Variants in PIEZO2 observed in about 807,000 individuals in gnomAD.
PIEZO2 encodes piezo-type mechanosensitive ion channel component 2.
A neutral mutation model predicts 337.3 loss-of-function variants in PIEZO2; 172 were observed. The observed-to-expected ratio is 0.51, with a 90% CI of 0.45 to 0.58. PIEZO2 has a LOEUF of 0.58. PIEZO2 is among the 20% of genes least tolerant of loss of function. The probability of loss-of-function intolerance (pLI) is 0.00; values close to 1 mark genes in which losing one functional copy is unlikely to be tolerated. For synonymous variants in PIEZO2, 1,251 were observed against 1,228.5 expected, an observed-to-expected ratio of 1.02 and a Z score of -0.38; for missense variants, 3,028 against 3,391.3, an observed-to-expected ratio of 0.89 and a Z score of 2.66.
Position 10,676,254 on chromosome 18 carries a change from A to G in PIEZO2, c.8082-966T>C, listed in dbSNP as rs186591410. 1.6e-3 allele frequency among the ~76,000 whole-genome samples: 250 copies of G among 152,294 alleles called. 1 individual carries two copies. The highest frequency in any genetic ancestry group is 5.7e-3 in the African/African-American group (236 of 41,564). On this transcript the variant is annotated intron_variant, in intron 53 of 55. Coordinates refer to ENST00000674853, the MANE Select transcript of PIEZO2 (RefSeq NM_001378183.1). The surrounding 1 kb of genome is among the most constrained non-coding windows in gnomAD (Gnocchi z 5.1). Reference sequence around the variant, plus strand: ...CTTCAACTTTAGTGAGTCGCAAAACATATCTCAGTCTGGGAACATTTCTAA... The same window carrying G: ...CTTCAACTTTAGTGAGTCGCAAAACGTATCTCAGTCTGGGAACATTTCTAA...
intron 23 of PIEZO2, among the ~76,000 whole-genome samples, 182 bp from the exon 24 acceptor site, chr18:10,761,293 A>C (rs1226712400): frequency 6.6e-6 from 1 of 152,228 alleles, no homozygotes; most frequent in Non-Finnish European, 1.5e-5. Context: ...TCTATATTAG[A>C]AAATCAGGCT....
intron 1 of PIEZO2, among the ~76,000 whole-genome samples, chr18:11,100,664 T>G (rs970774415): frequency 6.6e-6 from 1 of 152,146 alleles, no homozygotes; most frequent in East Asian, 1.9e-4. Context: ...GGCACAGTTT[T>G]GGCTCACTGC....
Position 10,824,251 on chromosome 18 carries a change from G to A in PIEZO2, c.918-16977C>T, listed in dbSNP as rs1013079175. ...GAGTAGCAAGAGACAAGTCTCCATAGTCTGTGGGAAAAAATGTATTTAAAA... is the reference window on the plus strand; with the variant it reads ...GAGTAGCAAGAGACAAGTCTCCATAATCTGTGGGAAAAAATGTATTTAAAA... On this transcript the variant is annotated intron_variant, in intron 7 of 55. Transcript: ENST00000674853. The surrounding 1 kb of genome is among the most constrained non-coding windows in gnomAD (Gnocchi z 4.4). 6.6e-6 allele frequency among the ~76,000 whole-genome samples: 1 copy of A among 152,154 alleles called. No homozygotes were observed. The highest frequency in any genetic ancestry group is 2.4e-5 in the African/African-American group (1 of 41,438).
At chr18:10,998,653 A>T (rs1335546838) in intron 2 of PIEZO2, among the ~76,000 whole-genome samples, 2 of 152,122 alleles carry the variant, frequency 1.3e-5, no homozygotes, top group Non-Finnish European at 2.9e-5. Context: ...TTGCAAAATA[A>T]GTAATCTATG....
chr18:10,904,478 C>A (rs561342515), intron 4 of PIEZO2, among the ~76,000 whole-genome samples: 1 of 152,334 alleles, frequency 6.6e-6, no homozygotes, highest in Admixed American at 6.5e-5. Context: ...TCTTCTATAT[C>A]CCTGTGTGTG....
chr18:10,941,045 A>T (rs147315010), intron 3 of PIEZO2, among the ~76,000 whole-genome samples: 15 of 152,336 alleles, frequency 9.8e-5, no homozygotes, highest in African/African-American at 3.4e-4. Flanking sequence ...TACAACATTG[A>T]TTTGAAAATA....
intron 7 of PIEZO2, among the ~76,000 whole-genome samples, chr18:10,807,625 C>A (rs2040042296): frequency 6.6e-6 from 1 of 152,152 alleles, no homozygotes; most frequent in African/African-American, 2.4e-5. Flanking sequence ...CCTATTAAAA[C>A]CCTGTATTAT....
chr18:10,689,635 C>T lies in PIEZO2; in HGVS notation c.7497+20G>A. ...CTAAGAGAAGCAGACAGGAATAAGGCACATCTCCTGGCTTCTTACCTTCTC... is the reference window on the plus strand; with the variant it reads ...CTAAGAGAAGCAGACAGGAATAAGGTACATCTCCTGGCTTCTTACCTTCTC... On this transcript the variant is annotated intron_variant, in intron 49 of 55. Transcript: ENST00000674853. 4.3e-6 allele frequency: 7 copies of T among 1,614,102 alleles called. No individual in the cohort carries two copies. Among genetic ancestry groups the T allele is most frequent in the Non-Finnish European group, 5.9e-6 (7 of 1,179,960 alleles).
intron 18 of PIEZO2, among the ~76,000 whole-genome samples, chr18:10,779,177 T>A (rs2038894252): frequency 6.6e-6 from 1 of 152,214 alleles, no homozygotes; most frequent in African/African-American, 2.4e-5. Context: ...CTTTTCATAC[T>A]TGGTTAGAAG....
chr18:11,042,770 A>T (rs1420089247), intron 2 of PIEZO2, among the ~76,000 whole-genome samples: 2 of 152,262 alleles, frequency 1.3e-5, no homozygotes, highest in Non-Finnish European at 2.9e-5. Context: ...AGGAAAAGAA[A>T]TGCCAGAAAT....
At chr18:10,984,323 A>G (rs1277754661) in intron 2 of PIEZO2, among the ~76,000 whole-genome samples, 1 of 152,118 alleles carries the variant, frequency 6.6e-6, no homozygotes, top group Non-Finnish European at 1.5e-5. Context: ...ACAAGGGAGT[A>G]TAGATAAACT....
intron 2 of PIEZO2, among the ~76,000 whole-genome samples, chr18:11,036,718 A>G (rs981389245): frequency 2.0e-5 from 3 of 152,120 alleles, no homozygotes; most frequent in Non-Finnish European, 2.9e-5. Flanking sequence ...TATGCGATAA[A>G]TTTGGAGAAA....
chr18:10,698,905 T>C lies in PIEZO2; in HGVS notation c.6694+20A>G. ...ACCTGGGAGCTAACTACAGCCTAGATATATTGTGTCGACAGATACCTCTTT... is the reference window on the plus strand; with the variant it reads ...ACCTGGGAGCTAACTACAGCCTAGACATATTGTGTCGACAGATACCTCTTT... On this transcript the variant is annotated intron_variant, in intron 44 of 55. Coordinates refer to ENST00000674853, the MANE Select transcript of PIEZO2 (RefSeq NM_001378183.1). The C allele has an allele frequency of 6.5e-7, 1 of 1,535,782 alleles. No homozygotes were observed. Among genetic ancestry groups the C allele is most frequent in the South Asian group, 1.2e-5 (1 of 83,960 alleles).
rs559061179 is a variant in PIEZO2, at chr18:11,031,597, A to G, written c.160+34530T>C. Among the ~76,000 whole-genome samples, 74 of 152,324 alleles carry G rather than the reference A, an allele frequency of 4.9e-4. 1 individual carries two copies. In the South Asian group the frequency reaches 0.015, roughly 31 times the overall value. ...AACATTTTTATAATTACCCAGGGGTAATATTCAATATATTTAACCACGAGT... is the reference window on the plus strand; with the variant it reads ...AACATTTTTATAATTACCCAGGGGTGATATTCAATATATTTAACCACGAGT... On this transcript the variant is annotated intron_variant, in intron 2 of 55. Transcript: ENST00000674853. The surrounding 1 kb of genome is among the most constrained non-coding windows in gnomAD (Gnocchi z 4.7).
chr18:11,100,677 C>G (rs536822710), intron 1 of PIEZO2, among the ~76,000 whole-genome samples: 11 of 152,112 alleles, frequency 7.2e-5, no homozygotes, highest in African/African-American at 1.4e-4. Context: ...CTCACTGCAA[C>G]CTCCGCCTCC....
Position 11,047,630 on chromosome 18 carries a change from G to A in PIEZO2, c.160+18497C>T, listed in dbSNP as rs545685888. On this transcript the variant is annotated intron_variant, in intron 2 of 55. Coordinates refer to ENST00000674853, the MANE Select transcript of PIEZO2 (RefSeq NM_001378183.1). The surrounding 1 kb of genome is among the most constrained non-coding windows in gnomAD (Gnocchi z 7.2). ...TCAGACACCAACACTCCAGGCAATAGGGAGAATCGAAGTCTTGGTCCTAAG... is the reference window on the plus strand; with the variant it reads ...TCAGACACCAACACTCCAGGCAATAAGGAGAATCGAAGTCTTGGTCCTAAG... Among the ~76,000 whole-genome samples, 5 of 152,274 alleles carry A rather than the reference G, an allele frequency of 3.3e-5. No individual in the cohort carries two copies. The highest frequency in any genetic ancestry group is 9.6e-5 in the African/African-American group (4 of 41,560).
intron 41 of PIEZO2, 57 bp from the exon 42 acceptor site, chr18:10,704,709 A>T: frequency 6.7e-7 from 1 of 1,501,056 alleles, no homozygotes; most frequent in Non-Finnish European, 8.9e-7. Flanking sequence ...TTTGAGATGG[A>T]GTTTTGCTCT....
At chr18:10,879,505 G>A (rs11665020) in intron 4 of PIEZO2, among the ~76,000 whole-genome samples, 1 of 145,960 alleles carries the variant, frequency 6.9e-6, no homozygotes, top group Non-Finnish European at 1.5e-5. Context: ...ATGCCATTCT[G>A]CTGCCTCAGC....
chr18:10,866,060 A>G (rs1333051834), intron 5 of PIEZO2, among the ~76,000 whole-genome samples: 1 of 152,236 alleles, frequency 6.6e-6, no homozygotes, highest in Non-Finnish European at 1.5e-5. Flanking sequence ...TGATTCTTTG[A>G]AAAAGGCAGA....
Sources: allele counts gnomAD v4.1 joint callset (sites outside exome capture counted in the v4.1 genomes callset), GRCh38; gene constraint gnomAD v4.1.1; non-coding constraint Gnocchi (gnomAD v3.1); transcripts MANE v1.5; gene names NCBI Gene and HGNC (gene_info 2026-07-23, HGNC 2026-07-21).